RAC1: variants seen among roughly 807,000 people sequenced by gnomAD.
The protein encoded by RAC1 is Rac family small GTPase 1.
A neutral mutation model predicts 25.2 loss-of-function variants in RAC1; 2 were observed. The ratio of observed to expected loss-of-function variants is 0.08; its 90% CI spans 0.03 to 0.25. The LOEUF (loss-of-function observed/expected upper bound fraction) is 0.25, where lower values mean the gene tolerates loss of function less well. Ranked by LOEUF, RAC1 falls within the 10% of genes least tolerant of loss-of-function variation. RAC1 has a pLI of 1.00. For synonymous variants in RAC1, 88 were observed against 94.0 expected, an observed-to-expected ratio of 0.94 and a Z score of 0.37; for missense variants, 50 against 235.7, an observed-to-expected ratio of 0.21 and a Z score of 5.16.
At chr7:6,400,209 T>A in intron 4 of RAC1, 21 bp downstream of exon 4, 1 of 1,567,990 alleles carries the variant, frequency 6.4e-7, no homozygotes, top group South Asian at 1.1e-5. Flanking sequence ...ATTTAAAATG[T>A]GTATGTAAGT....
In RAC1 at chr7:6,403,236, C is replaced by CT. The variant is rs1562472102; in HGVS notation, c.*791dup. ...AATGAAAGTGTCACGGGTAAAAACTCTAAAAGGTTAATTTCTGTCAAATGC... is the reference window on the plus strand; with the variant it reads ...AATGAAAGTGTCACGGGTAAAAACTCTTAAAAGGTTAATTTCTGTCAAATGC... On this transcript the variant is annotated 3_prime_UTR_variant, in exon 6 of 6. Coordinates refer to ENST00000348035, the MANE Select transcript of RAC1 (RefSeq NM_006908.5). The CT allele has an allele frequency of 4.6e-6, 1 of 219,594 alleles. No homozygotes were observed. Among genetic ancestry groups the CT allele is most frequent in the Non-Finnish European group, 9.1e-6 (1 of 109,328 alleles). 13.6% of individuals were successfully genotyped at this position (219,594 alleles called of 1,614,324 possible). A position where few individuals can be genotyped will look rare whatever the true frequency, so the allele number is the denominator to read the frequency against.
intron 5 of RAC1, 21 bp downstream of exon 5, chr7:6,402,048 C>A (rs756393459): frequency 6.2e-7 from 1 of 1,608,570 alleles, no homozygotes; most frequent in Non-Finnish European, 8.5e-7. Context: ...CTGTGTTTTT[C>A]CTCCTCCTTG....
In RAC1 at chr7:6,381,991, A is replaced by G. The variant is rs34349887; in HGVS notation, c.36-5221A>G. Among the ~76,000 whole-genome samples the G allele has an allele frequency of 7.7e-3, 1,170 of 151,978 alleles. 11 individuals carry two copies. Among genetic ancestry groups the G allele is most frequent in the African/African-American group, 0.026 (1,097 of 41,470 alleles). Reference sequence around the variant, plus strand: ...CTACTGCCTTGTCCTTAAGATCTACATACTTTTTTTTGTTTTTTGAGTCAG... The same window carrying G: ...CTACTGCCTTGTCCTTAAGATCTACGTACTTTTTTTTGTTTTTTGAGTCAG... On this transcript the variant is annotated intron_variant, in intron 1 of 5. Transcript: ENST00000348035.
chr7:6,400,418 C>T (rs1249583414), intron 4 of RAC1, among the ~76,000 whole-genome samples: 2 of 151,748 alleles, frequency 1.3e-5, no homozygotes, highest in Non-Finnish European at 2.9e-5. Context: ...TAGCCTTGAA[C>T]TCCTGGGCTC....
At chr7:6,379,882 G>A (rs558686079) in intron 1 of RAC1, among the ~76,000 whole-genome samples, 23 of 152,270 alleles carry the variant, frequency 1.5e-4, no homozygotes, top group African/African-American at 5.5e-4. Flanking sequence ...CCAAAGTGAT[G>A]GAATTACAGG....
chr7:6,392,132 A>T lies in RAC1; in HGVS notation c.225+91A>T, dbSNP rs998278911. The T allele has an allele frequency of 3.8e-6, 6 of 1,582,226 alleles. No homozygotes were observed. In the South Asian group the frequency reaches 6.8e-5, roughly 18 times the overall value. On this transcript the variant is annotated intron_variant, in intron 3 of 5. Coordinates refer to ENST00000348035, the MANE Select transcript of RAC1 (RefSeq NM_006908.5). ...GCATGTTACCTATGGACTTGCTTAT[A>T]TTGCCATCATTTGGGTATTGAGTAA...
chr7:6,386,129 G>C (rs1342301382), intron 1 of RAC1, among the ~76,000 whole-genome samples: 1 of 152,174 alleles, frequency 6.6e-6, no homozygotes, highest in Non-Finnish European at 1.5e-5. Flanking sequence ...AGTTGTGCAG[G>C]TGGTGCTCCT....
At chr7:6,394,378 C>T (rs79202068) in intron 3 of RAC1, among the ~76,000 whole-genome samples, 168 of 152,314 alleles carry the variant, frequency 1.1e-3, no homozygotes, top group African/African-American at 3.9e-3. Flanking sequence ...TTGCTAAGTT[C>T]TGCATACTCA....
intron 1 of RAC1, among the ~76,000 whole-genome samples, chr7:6,381,452 G>A (rs1048751145): frequency 3.3e-5 from 5 of 149,936 alleles, no homozygotes; most frequent in Admixed American, 6.7e-5. Flanking sequence ...GAGTGCAGTG[G>A]CACGAAATCA....
intron 1 of RAC1, among the ~76,000 whole-genome samples, chr7:6,385,705 G>A (rs998312308): frequency 1.2e-4 from 18 of 152,136 alleles, no homozygotes; most frequent in African/African-American, 4.3e-4. Context: ...AGACTGGCTG[G>A]GCCTGTAATC....
At chr7:6,397,869 G>C (rs1583269282) in intron 3 of RAC1, among the ~76,000 whole-genome samples, 1 of 152,276 alleles carries the variant, frequency 6.6e-6, no homozygotes, top group East Asian at 1.9e-4. Context: ...TGTGCCTGTA[G>C]TCCCAGCTAC....
In RAC1 at chr7:6,403,276, G is replaced by C. The variant is rs572460244; in HGVS notation, c.*830G>C. The stretch of plus-strand genomic sequence containing the variant: ...CTGTCAAATGCAGTAGATGATGAAA[G>C]AAAGGTTGGTATTATCAGGAAATGT... On this transcript the variant is annotated 3_prime_UTR_variant, in exon 6 of 6. Transcript: ENST00000348035. 12 of 214,264 alleles carry C rather than the reference G, an allele frequency of 5.6e-5. 1 individual carries two copies. The East Asian group carries it at 8.4e-4, about 15-fold the overall frequency. 13.3% of individuals were successfully genotyped at this position (214,264 alleles called of 1,614,324 possible).
At chr7:6,387,133 A>C (rs1782945147) in intron 1 of RAC1, 79 bp from the exon 2 acceptor site, 1 of 955,284 alleles carries the variant, frequency 1.0e-6, no homozygotes, top group African/African-American at 1.7e-5. Context: ...TTTTTTCTCT[A>C]GAAATTATTT....
At chr7:6,389,935 TTCCC>T (rs919484237) in intron 2 of RAC1, among the ~76,000 whole-genome samples, 6 of 149,950 alleles carry the variant, frequency 4.0e-5, no homozygotes, top group African/African-American at 1.2e-4. Context: ...CCTTCCTTCC[TTCCC>T]TCCCTCCCTC....
intron 1 of RAC1, among the ~76,000 whole-genome samples, chr7:6,378,340 G>A (rs552015549): frequency 6.6e-6 from 1 of 152,088 alleles, no homozygotes; most frequent in Non-Finnish European, 1.5e-5. Flanking sequence ...GAGGTCAGGA[G>A]CTCGAGACCA....
Position 6,402,438 on chromosome 7 carries a change from C to T in RAC1, c.571C>T (p.Leu191=), listed in dbSNP as rs2115218982. ...GAAGAAGAGGAAGAGAAAATGCCTG[C>T]TGTTGTAAATGTCTCAGCCCCTCGT... The part of the protein sequence containing the change: ...PVKKRKRKCL[L]L The change falls in exon 6 of 6, where the codon CTG becomes TTG. Residue 191 remains leucine, a synonymous_variant. Coordinates refer to ENST00000348035, the MANE Select transcript of RAC1 (RefSeq NM_006908.5). 1 of 1,468,932 alleles carries T rather than the reference C, an allele frequency of 6.8e-7. No individual in the cohort carries two copies. The highest frequency in any genetic ancestry group is 1.1e-5 in the South Asian group (1 of 88,436). 91.0% of individuals were successfully genotyped at this position (1,468,932 alleles called of 1,614,324 possible).
intron 3 of RAC1, 37 bp from the exon 4 acceptor site, chr7:6,400,089 T>G (rs773917743): frequency 1.3e-6 from 2 of 1,554,004 alleles, no homozygotes; most frequent in Non-Finnish European, 1.8e-6. Context: ...ATTCTAAGGT[T>G]GTTGTCTAAA....
At chr7:6,378,117 C>A (rs1053621399) in intron 1 of RAC1, among the ~76,000 whole-genome samples, 1 of 152,104 alleles carries the variant, frequency 6.6e-6, no homozygotes, top group African/African-American at 2.4e-5. Flanking sequence ...GGATGCCTTG[C>A]CATCTTGTTT....
intron 3 of RAC1, among the ~76,000 whole-genome samples, chr7:6,393,158 G>C (rs775043243): frequency 6.6e-5 from 10 of 152,138 alleles, no homozygotes; most frequent in Non-Finnish European, 1.5e-5. Flanking sequence ...TTGATGATGA[G>C]GCAGCCTGTG....
Sources: gnomAD v4.1 joint callset for allele counts (sites outside exome capture counted in the v4.1 genomes callset) on GRCh38, gnomAD v4.1.1 for gene constraint, MANE v1.5 for transcripts, NCBI Gene and HGNC (gene_info 2026-07-23, HGNC 2026-07-21) for gene names.